Variants in WIPI2 observed in about 807,000 individuals in gnomAD.
The protein encoded by WIPI2 is WD repeat domain phosphoinositide-interacting protein 2.
In WIPI2, 28 loss-of-function variants were observed where a neutral mutation model predicts 52.3. The ratio of observed to expected loss-of-function variants is 0.54; its 90% confidence interval spans 0.40 to 0.73. The LOEUF is 0.73. Ranked by LOEUF, WIPI2 falls within the 30% of genes least tolerant of loss-of-function variation. The pLI is 0.00. For synonymous variants in WIPI2, 268 were observed against 245.0 expected (o/e 1.09, Z -0.88); for missense variants, 506 against 602.9 (o/e 0.84, Z 1.68).
chr7:5,205,663 C>G (rs555300549), intron 3 of WIPI2, among the ~76,000 whole-genome samples: 1 of 152,220 alleles, frequency 6.6e-6, no homozygotes, highest in South Asian at 2.1e-4. Flanking sequence ...TGTCACCACG[C>G]TCAGCTAATT....
At chr7:5,194,309 G>A (rs962720888) in intron 2 of WIPI2, among the ~76,000 whole-genome samples, 3 of 152,178 alleles carry the variant, frequency 2.0e-5, no homozygotes, top group African/African-American at 7.2e-5. Context: ...GGTTGCTTTT[G>A]GTTTACAGTG....
At chr7:5,195,204 G>T (rs1781686772) in intron 2 of WIPI2, among the ~76,000 whole-genome samples, 1 of 152,200 alleles carries the variant, frequency 6.6e-6, no homozygotes, top group Admixed American at 6.5e-5. Context: ...CCCACTAATG[G>T]GGACAGGCAC....
chr7:5,213,778 C>CG (rs1782678179), intron 3 of WIPI2, among the ~76,000 whole-genome samples: 1 of 151,872 alleles, frequency 6.6e-6, no homozygotes, highest in African/African-American at 2.4e-5. Flanking sequence ...CTCCGTCCCC[C>CG]GGGTTCACAC....
At chr7:5,214,333 T>C in intron 3 of WIPI2, 5 of 1,574,628 alleles carry the variant, frequency 3.2e-6, no homozygotes, top group Non-Finnish European at 4.3e-6. Flanking sequence ...ATCCTTAGAG[T>C]GGAAATGCTC....
At chr7:5,220,080 C>T (rs1182555000) in intron 7 of WIPI2, among the ~76,000 whole-genome samples, 2 of 152,120 alleles carry the variant, frequency 1.3e-5, no homozygotes, top group African/African-American at 4.8e-5. Flanking sequence ...AAGCGATCTA[C>T]AAACCTCAGC....
chr7:5,208,490 G>A (rs1782399825), intron 3 of WIPI2, among the ~76,000 whole-genome samples: 1 of 150,370 alleles, frequency 6.7e-6, no homozygotes, highest in Non-Finnish European at 1.5e-5. Flanking sequence ...TGCCTACCCT[G>A]TAGTCAGGAA....
At chr7:5,212,754 G>A (rs1782618755) in intron 3 of WIPI2, among the ~76,000 whole-genome samples, 1 of 152,216 alleles carries the variant, frequency 6.6e-6, no homozygotes, top group Non-Finnish European at 1.5e-5. Flanking sequence ...CTGCCCTCAA[G>A]CAATCCTCCC....
chr7:5,231,964 T>C lies in WIPI2; in HGVS notation c.*1017T>C. 2.6e-6 allele frequency: 1 copy of C among 385,342 alleles called. No homozygotes were observed. The highest frequency in any genetic ancestry group is 4.6e-6 in the Non-Finnish European group (1 of 217,722). The allele number at this position is 385,342 out of a possible 1,614,324, so 23.9% of individuals were successfully genotyped here. Reference sequence around the variant, plus strand: ...CGTCATGTGCCTTTCTATTTTCATCTTAGAAAATTTCCTCAGCAAACCGAT... The same window carrying C: ...CGTCATGTGCCTTTCTATTTTCATCCTAGAAAATTTCCTCAGCAAACCGAT... On this transcript the variant is annotated 3_prime_UTR_variant, in exon 13 of 13. Coordinates refer to ENST00000288828, the MANE Select transcript of WIPI2 (RefSeq NM_015610.4).
intron 7 of WIPI2, among the ~76,000 whole-genome samples, chr7:5,219,548 C>T (rs77010558): frequency 0.082 from 12,481 of 152,244 alleles, 706 homozygotes; most frequent in Middle Eastern, 0.13. Context: ...TTCCCAGCCC[C>T]GCTCTGTCCC....
In WIPI2 at chr7:5,230,905, T is replaced by G; in HGVS notation, c.1323T>G (p.Asp441Glu). 6.2e-7 allele frequency: 1 copy of G among 1,613,768 alleles called. No individual in the cohort carries two copies. The highest frequency in any genetic ancestry group is 8.5e-7 in the Non-Finnish European group (1 of 1,179,774). ...ACGAGGCCAGCGCCCTGCGCCTGGATGAGGACAGCGAGCACCCGCCCATGA... is the reference window on the plus strand; with the variant it reads ...ACGAGGCCAGCGCCCTGCGCCTGGAGGAGGACAGCGAGCACCCGCCCATGA... ...LEDEASALRL[D>E]EDSEHPPMIL... The change falls in exon 13 of 13, where the codon GAT becomes GAG. Residue 441 changes from aspartate (D) to glutamate (E), a missense_variant. Transcript: ENST00000288828. This position sits in a 1 kb window ranked among gnomAD's most constrained non-coding sequence, Gnocchi z 4.8.
In WIPI2 at chr7:5,192,971, A is replaced by C. The variant is rs955188134; in HGVS notation, c.75-147A>C. 6.0e-5 allele frequency: 42 copies of C among 699,658 alleles called. No homozygotes were observed. The Admixed American group carries it at 1.2e-3, about 19-fold the overall frequency. 43.3% of individuals were successfully genotyped at this position (699,658 alleles called of 1,614,324 possible). A position where few individuals can be genotyped will look rare whatever the true frequency, so the allele number is the denominator to read the frequency against. On this transcript the variant is annotated intron_variant, in intron 1 of 12. Transcript: ENST00000288828. Reference sequence around the variant, plus strand: ...TTTAAATTCTTTTTGTATTTGTTACATACCAAACTATAACTGTCCTGCCTT... The same window carrying C: ...TTTAAATTCTTTTTGTATTTGTTACCTACCAAACTATAACTGTCCTGCCTT...
At chr7:5,197,128 A>AAC (rs2115206401) in intron 2 of WIPI2, among the ~76,000 whole-genome samples, 2 of 147,126 alleles carry the variant, frequency 1.4e-5, no homozygotes, top group African/African-American at 5.2e-5. Flanking sequence ...CAAAAAAAAA[A>AAC]AAAAAAAAAA....
intron 7 of WIPI2, 117 bp downstream of exon 7, chr7:5,218,131 C>A: frequency 9.5e-7 from 1 of 1,056,218 alleles, no homozygotes; most frequent in Non-Finnish European, 1.4e-6. Flanking sequence ...CCGGGAGAAG[C>A]AAAGACAGCC....
intron 3 of WIPI2, among the ~76,000 whole-genome samples, chr7:5,206,733 AAC>A (rs113374050): frequency 6.6e-5 from 10 of 150,610 alleles, no homozygotes; most frequent in African/African-American, 7.3e-5. Context: ...TACTTGTCCT[AAC>A]ACACACACAC....
chr7:5,208,732 T>C (rs2115252307), intron 3 of WIPI2, among the ~76,000 whole-genome samples: 1 of 152,300 alleles, frequency 6.6e-6, no homozygotes, highest in Admixed American at 6.5e-5. Flanking sequence ...GACCTGTGAG[T>C]CTGTTTCTGG....
rs1002638934 is a variant in WIPI2 at position 5,230,321 on chromosome 7, G to A, written c.1253-514G>A. Among the ~76,000 whole-genome samples, 3 of 152,302 alleles carry A rather than the reference G, an allele frequency of 2.0e-5. No individual in the cohort carries two copies. Among genetic ancestry groups the A allele is most frequent in the Non-Finnish European group, 2.9e-5 (2 of 68,022 alleles). On this transcript the variant is annotated intron_variant, in intron 12 of 12. Coordinates refer to ENST00000288828, the MANE Select transcript of WIPI2 (RefSeq NM_015610.4). The surrounding 1 kb of genome is among the most constrained non-coding windows in gnomAD (Gnocchi z 4.8). ...TGAGGCCAATGGGCTCCCCTCCGGC[G>A]GCAGCACTAAGACCCATGCATGAGA...
chr7:5,198,348 C>CT (rs1341293792), intron 2 of WIPI2, among the ~76,000 whole-genome samples: 1 of 150,716 alleles, frequency 6.6e-6, no homozygotes, highest in Non-Finnish European at 1.5e-5. Context: ...GAGTCTCGCT[C>CT]TATCACCCAG....
chr7:5,199,456 T>C, intron 2 of WIPI2, 120 bp from the exon 3 acceptor site: 1 of 769,848 alleles, frequency 1.3e-6, no homozygotes, highest in Non-Finnish European at 2.2e-6. Flanking sequence ...TGCTCTGTGC[T>C]GATTTGTGGA....
chr7:5,190,593 G>T, intron 1 of WIPI2, 100 bp downstream of exon 1: 1 of 1,210,582 alleles, frequency 8.3e-7, no homozygotes, highest in East Asian at 3.3e-5. Context: ...CGCAGGCTCG[G>T]CCTCCCCGCG....
Sources: gnomAD v4.1 joint callset for allele counts (sites outside exome capture counted in the v4.1 genomes callset) on GRCh38, gnomAD v4.1.1 for gene constraint, Gnocchi (gnomAD v3.1) non-coding constraint, MANE v1.5 for transcripts, NCBI Gene and HGNC (gene_info 2026-07-23, HGNC 2026-07-21) for gene names.